Variants in GNAI2 observed in about 807,000 individuals in gnomAD.
GNAI2 encodes the protein guanine nucleotide-binding protein G(i) subunit alpha-2.
GNAI2 carries 4 observed loss-of-function variants against 36.8 expected under a neutral mutation model. The observed-to-expected ratio is 0.11, with a 90% CI of 0.05 to 0.25. GNAI2 has a LOEUF of 0.25. Among genes scored for constraint, GNAI2 ranks in the 10% least tolerant of loss-of-function variants. The pLI, the probability that GNAI2 is intolerant of heterozygous loss-of-function variation, is 1.00. For synonymous variants in GNAI2, 194 were observed against 194.1 expected, an observed-to-expected ratio of 1.00 and a Z score of 0.01; for missense variants, 230 against 481.3, an observed-to-expected ratio of 0.48 and a Z score of 4.89.
intron 1 of GNAI2, among the ~76,000 whole-genome samples, chr3:50,243,136 C>T (rs1170573521): frequency 6.6e-6 from 1 of 152,202 alleles, no homozygotes; most frequent in African/African-American, 2.4e-5. Flanking sequence ...TGAACACCTG[C>T]CCAGGCTTAT....
exon 1 of GNAI2, chr3:50,230,817 C>T: frequency 1.2e-5 from 12 of 985,626 alleles, no homozygotes; most frequent in Non-Finnish European, 1.4e-5. Flanking sequence ...GTCATGCCTC[C>T]TCTGGTGCTC....
chr3:50,254,437 G>T (rs1193774043), intron 4 of GNAI2, among the ~76,000 whole-genome samples: 1 of 152,134 alleles, frequency 6.6e-6, no homozygotes, highest in African/African-American at 2.4e-5. Flanking sequence ...GCAAGGGTGG[G>T]TGGGAGGAGG....
chr3:50,237,964 G>T (rs1553700576), intron 1 of GNAI2: 1 of 152,280 alleles, frequency 6.6e-6, no homozygotes, highest in African/African-American at 2.4e-5. Flanking sequence ...TGTCCCTGCG[G>T]ACCCGGCCTC....
chr3:50,236,374 C>A lies in GNAI2; in HGVS notation c.39C>A (p.Ala13=). The A allele has an allele frequency of 6.5e-7, 1 of 1,546,422 alleles. No individual in the cohort carries two copies. The change falls in exon 1 of 9, where the codon GCC becomes GCA. Residue 13 remains alanine (A), a synonymous_variant. Transcript: ENST00000313601. The surrounding 1 kb of genome is among the most constrained non-coding windows in gnomAD (Gnocchi z 4.0). ...TGAGCGCCGAGGACAAGGCGGCGGC[C>A]GAGCGCTCTAAGATGATCGACAAGA... ...CTVSAEDKAA[A]ERSKMIDKNL... is the part of the protein sequence containing the mutation.
rs782599019 is a variant in GNAI2, at chr3:50,256,257, G to A, written c.530G>A (p.Arg177Gln). The A allele has an allele frequency of 1.9e-6, 3 of 1,605,328 alleles. No homozygotes were observed. The highest frequency in any genetic ancestry group is 1.7e-4 in the Middle Eastern group (1 of 6,030). Reference protein sequence around the residue: ...DYIPTQQDVLRTRVKTTGIVE... With the variant: ...DYIPTQQDVLQTRVKTTGIVE... Reference sequence around the variant, plus strand: ...ATCCCCACACAGCAAGATGTGCTACGGACCCGCGTAAAGACCACGGGGATC... The same window carrying A: ...ATCCCCACACAGCAAGATGTGCTACAGACCCGCGTAAAGACCACGGGGATC... The change falls in exon 5 of 9, where the codon CGG (arginine) becomes CAG (glutamine). Residue 177 changes from arginine to glutamine, a missense_variant. By Grantham distance (43) the Arg-to-Gln change is conservative. Around this residue, in one of 4 missense-constraint regions of GNAI2, gnomAD observed 132 missense variants for 247.4 expected, o/e 0.53. Coordinates refer to ENST00000313601, the MANE Select transcript of GNAI2 (RefSeq NM_002070.4).
At chr3:50,227,226 C>G, upstream of GNAI2, 6 of 1,328,774 alleles carry the variant, frequency 4.5e-6, no homozygotes, top group Non-Finnish European at 5.9e-6. This position sits in a 1 kb window ranked among gnomAD's most constrained non-coding sequence, Gnocchi z 5.9. Context: ...GGAGGAGACC[C>G]TGGCGAGGTG....
chr3:50,256,001 A>G (rs1325771774), intron 4 of GNAI2, among the ~76,000 whole-genome samples, 191 bp from the exon 5 acceptor site: 8 of 142,254 alleles, frequency 5.6e-5, no homozygotes, highest in Non-Finnish European at 1.1e-4. Context: ...AGCCAAGATC[A>G]TGCCACTGCA....
In GNAI2 at chr3:50,256,333, G is replaced by A; in HGVS notation, c.593+13G>A. The A allele has an allele frequency of 6.2e-7, 1 of 1,613,454 alleles. No homozygotes were observed. Among genetic ancestry groups the A allele is most frequent in the African/African-American group, 1.3e-5 (1 of 75,048 alleles). Reference sequence around the variant, plus strand: ...ACCTACACTTCAAGTGAGCGAGCATGTGGACAGGTGGGAGGGGCAGGACCT... The same window carrying A: ...ACCTACACTTCAAGTGAGCGAGCATATGGACAGGTGGGAGGGGCAGGACCT... On this transcript the variant is annotated intron_variant, in intron 5 of 8. Coordinates refer to ENST00000313601, the MANE Select transcript of GNAI2 (RefSeq NM_002070.4).
At chr3:50,227,216 G>A, upstream of GNAI2, 2 of 1,376,182 alleles carry the variant, frequency 1.5e-6, no homozygotes, top group Non-Finnish European at 1.9e-6. The surrounding 1 kb of genome is among the most constrained non-coding windows in gnomAD (Gnocchi z 5.9). Flanking sequence ...CGGCTATCGC[G>A]GAGGAGACCC....
At position 50,253,281 on chromosome 3, in the gene GNAI2, G is replaced by A; in HGVS notation, c.464+97G>A. The stretch of plus-strand genomic sequence containing the variant: ...TGAGAACCCCCAGAAGGACACTGCT[G>A]GTCTTTGCTTATGAAACCGATGACT... On this transcript the variant is annotated intron_variant, in intron 4 of 8. Coordinates refer to ENST00000313601, the MANE Select transcript of GNAI2 (RefSeq NM_002070.4). This position sits in a 1 kb window ranked among gnomAD's most constrained non-coding sequence, Gnocchi z 4.2. 1.0e-6 allele frequency: 1 copy of A among 997,114 alleles called. No individual in the cohort carries two copies. The highest frequency in any genetic ancestry group is 1.8e-5 in the South Asian group (1 of 55,134). The allele number at this position is 997,114 out of a possible 1,614,324, so 61.8% of individuals were successfully genotyped here.
rs1553702657 is a variant in GNAI2, at chr3:50,252,543, G to A, written c.303+5G>A. ...TTTGCCGACCCCTCCAGAGCGGTAT[G>A]TGCCCTCCGCCCCACCCTCTCCCAC... On this transcript the variant is annotated splice_donor_5th_base_variant and intron_variant, in intron 3 of 8. Coordinates refer to ENST00000313601, the MANE Select transcript of GNAI2 (RefSeq NM_002070.4). The surrounding 1 kb of genome is among the most constrained non-coding windows in gnomAD (Gnocchi z 4.1). 1 of 1,611,310 alleles carries A rather than the reference G, an allele frequency of 6.2e-7. No individual in the cohort carries two copies. Among genetic ancestry groups the A allele is most frequent in the Non-Finnish European group, 8.5e-7 (1 of 1,178,488 alleles).
rs782770897 is a variant in GNAI2 at position 50,242,072 on chromosome 3, A to G, written c.118+5619A>G. Among the ~76,000 whole-genome samples, 2 of 152,108 alleles carry G rather than the reference A, an allele frequency of 1.3e-5. No homozygotes were observed. Among genetic ancestry groups the G allele is most frequent in the Non-Finnish European group, 2.9e-5 (2 of 68,004 alleles). ...TCCTGTATACTCTGCCGTTGATCTT[A>G]GTTCTTGGTCCCTGGCTGTGACTCT... On this transcript the variant is annotated intron_variant, in intron 1 of 8. Transcript: ENST00000313601. The surrounding 1 kb of genome is among the most constrained non-coding windows in gnomAD (Gnocchi z 4.8).
chr3:50,256,044 CAAAAAAAAAA>C (rs1170893603), intron 4 of GNAI2, 138 bp from the exon 5 acceptor site: 46 of 142,748 alleles, frequency 3.2e-4, no homozygotes, highest in Middle Eastern at 4.7e-3. Context: ...CACTCTGTCT[CAAAAAAAAAA>C]AAAAAAAAAA....
chr3:50,245,924 C>A (rs1375800991), intron 1 of GNAI2, among the ~76,000 whole-genome samples: 2 of 152,226 alleles, frequency 1.3e-5, no homozygotes, highest in Non-Finnish European at 2.9e-5. Flanking sequence ...TGGAGGCAGC[C>A]GAGTGCCAGA....
rs1553703228 is a variant in GNAI2 at position 50,256,716 on chromosome 3, T to C, written c.594-7T>C. 6.2e-7 allele frequency: 1 copy of C among 1,613,940 alleles called. No homozygotes were observed. The highest frequency in any genetic ancestry group is 1.7e-5 in the Admixed American group (1 of 60,014). ...CTTCCTGGAACTAAGGTGATCTATA[T>C]CTGCAGGATGTTTGATGTGGGTGGT... is the stretch of plus-strand genomic sequence containing the variant. On this transcript the variant is annotated splice_region_variant and splice_polypyrimidine_tract_variant and intron_variant, in intron 5 of 8. Coordinates refer to ENST00000313601, the MANE Select transcript of GNAI2 (RefSeq NM_002070.4).
intron 4 of GNAI2, 99 bp from the exon 5 acceptor site, chr3:50,256,093 A>T (rs1010797525): frequency 3.6e-6 from 2 of 563,124 alleles, no homozygotes; most frequent in African/African-American, 1.9e-5. Context: ...GTGCTTGAGA[A>T]ATGGCATGGG....
rs1267135245 is a variant in GNAI2 at position 50,241,331 on chromosome 3, C to T, written c.118+4878C>T. On this transcript the variant is annotated intron_variant, in intron 1 of 8. Transcript: ENST00000313601. The surrounding 1 kb of genome is among the most constrained non-coding windows in gnomAD (Gnocchi z 5.0). ...TCTGAGTCTCTTCTTCCCACCCCTC[C>T]CCCAGGCTTGTCGGGGCTTTGTCTG... 2.0e-5 allele frequency among the ~76,000 whole-genome samples: 3 copies of T among 152,194 alleles called. No individual in the cohort carries two copies. The highest frequency in any genetic ancestry group is 4.4e-5 in the Non-Finnish European group (3 of 68,030).
At chr3:50,254,934 C>T (rs899706571) in intron 4 of GNAI2, among the ~76,000 whole-genome samples, 7 of 152,150 alleles carry the variant, frequency 4.6e-5, no homozygotes, top group African/African-American at 1.7e-4. Context: ...AAGTGTGCAG[C>T]GAGTCAGGGG....
At chr3:50,245,722 C>G (rs1408409374) in intron 1 of GNAI2, among the ~76,000 whole-genome samples, 7 of 152,374 alleles carry the variant, frequency 4.6e-5, no homozygotes, top group South Asian at 2.1e-4. Context: ...CACCCGGTGC[C>G]TGAGTTTCCC....
Sources: allele counts gnomAD v4.1 joint callset (sites outside exome capture counted in the v4.1 genomes callset), GRCh38; gene constraint gnomAD v4.1.1; regional missense constraint gnomAD v4.1.1; non-coding constraint Gnocchi (gnomAD v3.1); transcripts MANE v1.5; gene names NCBI Gene and HGNC (gene_info 2026-07-23, HGNC 2026-07-21).